The following FHIT variants were observed in gnomAD, a reference collection of about 807,000 sequenced individuals.
FHIT encodes fragile histidine triad diadenosine triphosphatase, also known as bis(5'-adenosyl)-triphosphatase.
FHIT carries 19 observed loss-of-function variants against 17.9 expected under a neutral mutation model. The observed-to-expected ratio is 1.06, with a 90% CI of 0.74 to 1.56. The LOEUF (loss-of-function observed/expected upper bound fraction) is 1.56, where lower values mean the gene tolerates loss of function less well. Ranked by LOEUF, FHIT falls within the 40% of genes most tolerant of loss-of-function variation. FHIT has a pLI of 0.00. For missense variants in FHIT, 248 were observed against 189.2 expected (o/e 1.31, Z -1.82); for synonymous variants, 81 against 69.7 (o/e 1.16, Z -0.81).
At chr3:59,795,188 C>T (rs1699728180) in intron 8 of FHIT, among the ~76,000 whole-genome samples, 1 of 152,076 alleles carries the variant, frequency 6.6e-6, no homozygotes, top group East Asian at 1.9e-4. Flanking sequence ...GAGTTCGAGA[C>T]CAGCCTGGCC....
chr3:60,135,578 G>T (rs1699783502), intron 5 of FHIT, among the ~76,000 whole-genome samples: 1 of 152,092 alleles, frequency 6.6e-6, no homozygotes. Context: ...GAGAGGAGAA[G>T]AGGTTCTACA....
rs530299475 is a variant in FHIT at position 59,779,435 on chromosome 3, C to G, written c.349-27114G>C. On this transcript the variant is annotated intron_variant, in intron 8 of 9. Transcript: ENST00000492590. ...GGTTGTCTGCCTGGTTTCCAGGGAG[C>G]CTTCAATTAGAATTCTGAGCTGAGA... is the stretch of plus-strand genomic sequence containing the variant. Among the ~76,000 whole-genome samples the G allele has an allele frequency of 2.6e-5, 4 of 152,198 alleles. No homozygotes were observed. In the South Asian group the frequency reaches 8.3e-4, roughly 32 times the overall value.
At chr3:61,071,393 A>G (rs1262257295) in intron 2 of FHIT, among the ~76,000 whole-genome samples, 2 of 150,808 alleles carry the variant, frequency 1.3e-5, no homozygotes, top group African/African-American at 2.5e-5. Flanking sequence ...CCATTATTTC[A>G]AAGACTGTAT....
intron 4 of FHIT, among the ~76,000 whole-genome samples, chr3:60,665,944 G>C (rs565597162): frequency 6.6e-6 from 1 of 151,990 alleles, no homozygotes; most frequent in Non-Finnish European, 1.5e-5. Context: ...TCTTTGTATA[G>C]TTTTCACTGT....
Position 60,648,687 on chromosome 3 carries a change from C to T in FHIT, c.-17-111708G>A, listed in dbSNP as rs1373612020. ...AAACACTCCTGTTGCTTTTCTTGTT[C>T]TGCAAAACTCTCCAGAGCTAAGAGA... On this transcript the variant is annotated intron_variant, in intron 4 of 9. Coordinates refer to ENST00000492590, the MANE Select transcript of FHIT (RefSeq NM_002012.4). 2.6e-5 allele frequency among the ~76,000 whole-genome samples: 4 copies of T among 152,286 alleles called. No individual in the cohort carries two copies. The East Asian group carries it at 5.8e-4, about 22-fold the overall frequency.
chr3:59,967,382 T>C (rs764816162), intron 7 of FHIT, among the ~76,000 whole-genome samples: 1 of 152,180 alleles, frequency 6.6e-6, no homozygotes, highest in Non-Finnish European at 1.5e-5. Flanking sequence ...GATACTTTTA[T>C]ACGACTGGCA....
At position 60,338,642 on chromosome 3, in the gene FHIT, C is replaced by G. The variant is rs78025957; in HGVS notation, c.103+198218G>C. Reference sequence around the variant, plus strand: ...ACATAAAGACTTGCAGTTACTAGACCACTTAGATGTTGCCTGAGAAAGATA... The same window carrying G: ...ACATAAAGACTTGCAGTTACTAGACGACTTAGATGTTGCCTGAGAAAGATA... On this transcript the variant is annotated intron_variant, in intron 5 of 9. Coordinates refer to ENST00000492590, the MANE Select transcript of FHIT (RefSeq NM_002012.4). Among the ~76,000 whole-genome samples the G allele has an allele frequency of 4.2e-3, 635 of 152,250 alleles. 8 individuals are homozygous for G. Among genetic ancestry groups the G allele is most frequent in the African/African-American group, 0.015 (615 of 41,550 alleles).
chr3:61,093,923 T>C lies in FHIT; in HGVS notation c.-163-51824A>G, dbSNP rs191153161. 5.1e-4 allele frequency among the ~76,000 whole-genome samples: 78 copies of C among 152,324 alleles called. 1 individual carries two copies. Among genetic ancestry groups the C allele is most frequent in the African/African-American group, 1.8e-3 (74 of 41,570 alleles). On this transcript the variant is annotated intron_variant, in intron 2 of 9. Transcript: ENST00000492590. ...AGCCAGGTTTGAAGTTTGACTCTGCTACACTGGAAATACTTGAAAGGGTTT... is the reference window on the plus strand; with the variant it reads ...AGCCAGGTTTGAAGTTTGACTCTGCCACACTGGAAATACTTGAAAGGGTTT...
intron 5 of FHIT, among the ~76,000 whole-genome samples, chr3:60,125,992 G>A (rs558958357): frequency 6.6e-6 from 1 of 152,260 alleles, no homozygotes; most frequent in South Asian, 2.1e-4. Context: ...GCTGCAGAAG[G>A]CTGATCTATG....
chr3:60,580,577 G>A (rs2037718712), intron 4 of FHIT, among the ~76,000 whole-genome samples: 1 of 151,958 alleles, frequency 6.6e-6, no homozygotes, highest in Non-Finnish European at 1.5e-5. Context: ...GTAGCACAAA[G>A]CCAGCTATAC....
intron 5 of FHIT, among the ~76,000 whole-genome samples, chr3:60,176,044 CAAAGTT>C (rs1432280339): frequency 1.3e-5 from 2 of 152,082 alleles, no homozygotes; most frequent in African/African-American, 2.4e-5. Flanking sequence ...TAATTAAACT[CAAAGTT>C]AAATTTAAAT....
chr3:59,816,388 T>A (rs539022367), intron 8 of FHIT, among the ~76,000 whole-genome samples: 6 of 152,164 alleles, frequency 3.9e-5, no homozygotes, highest in Non-Finnish European at 8.8e-5. Context: ...ATAACAACAA[T>A]CACAGTGAGT....
intron 5 of FHIT, among the ~76,000 whole-genome samples, chr3:60,284,375 C>T (rs1457874628): frequency 6.6e-6 from 1 of 152,072 alleles, no homozygotes; most frequent in East Asian, 1.9e-4. Flanking sequence ...CAGTTCCAAA[C>T]ATAGTATGTG....
chr3:60,251,575 G>C (rs71313760), intron 5 of FHIT, among the ~76,000 whole-genome samples: 1 of 152,074 alleles, frequency 6.6e-6, no homozygotes, highest in Non-Finnish European at 1.5e-5. Context: ...GTGTTGAAAA[G>C]TATCTTTGGG....
At chr3:61,129,742 G>T (rs533603032) in intron 2 of FHIT, among the ~76,000 whole-genome samples, 52 of 152,132 alleles carry the variant, frequency 3.4e-4, no homozygotes, top group African/African-American at 1.3e-3. Context: ...TCAAGATGCT[G>T]AAAAAGTACT....
At chr3:59,880,553 T>TTG (rs1207821203) in intron 8 of FHIT, among the ~76,000 whole-genome samples, 2 of 152,194 alleles carry the variant, frequency 1.3e-5, no homozygotes, top group Non-Finnish European at 2.9e-5. Context: ...GTGCCACAAC[T>TTG]AAGTACCTGT....
At chr3:60,102,912 A>G (rs1339058281) in intron 5 of FHIT, among the ~76,000 whole-genome samples, 1 of 152,230 alleles carries the variant, frequency 6.6e-6, no homozygotes, top group Non-Finnish European at 1.5e-5. Flanking sequence ...TTAACCAGTC[A>G]TACATGCCAT....
intron 3 of FHIT, among the ~76,000 whole-genome samples, chr3:60,965,735 C>A (rs565139453): frequency 6.6e-6 from 1 of 152,160 alleles, no homozygotes; most frequent in East Asian, 1.9e-4. Flanking sequence ...GTATCACCAG[C>A]GGAGGCTGCA....
chr3:60,135,616 C>T (rs1699785451), intron 5 of FHIT, among the ~76,000 whole-genome samples: 1 of 152,110 alleles, frequency 6.6e-6, no homozygotes, highest in Non-Finnish European at 1.5e-5. Context: ...CTTATTTGTA[C>T]TGAGAAAGGA....
Sources: allele counts gnomAD v4.1 joint callset (sites outside exome capture counted in the v4.1 genomes callset), GRCh38; gene constraint gnomAD v4.1.1; transcripts MANE v1.5; gene names NCBI Gene and HGNC (gene_info 2026-07-23, HGNC 2026-07-21).